The following WDR41 variants were observed in gnomAD, a reference collection of about 807,000 sequenced individuals.
The protein encoded by WDR41 is WD repeat domain 41.
A neutral mutation model predicts 69.3 loss-of-function variants in WDR41; 63 were observed. The ratio of observed to expected loss-of-function variants is 0.91; its 90% CI spans 0.74 to 1.12. The LOEUF is 1.12. Ranked by LOEUF, WDR41 falls within the 50% of genes most tolerant of loss-of-function variation. WDR41 has a pLI of 0.00. For synonymous variants in WDR41, 185 were observed against 192.1 expected (o/e 0.96, Z 0.31); for missense variants, 543 against 534.5 (o/e 1.02, Z -0.16).
Position 77,431,631 on chromosome 5 carries a change from T to C in WDR41, c.*1504A>G, listed in dbSNP as rs1230445052. 2 of 152,164 alleles carry C rather than the reference T, an allele frequency of 1.3e-5. No individual in the cohort carries two copies. The highest frequency in any genetic ancestry group is 2.4e-5 in the African/African-American group (1 of 41,436). The allele number at this position is 152,164 out of a possible 1,614,324, so 9.4% of individuals were successfully genotyped here. ...TGTGATTTCTACCACTCCATTTGAA[T>C]AGATTACTATCACAAAATACTAGCC... On this transcript the variant is annotated 3_prime_UTR_variant, in exon 13 of 13. Coordinates refer to ENST00000296679, the MANE Select transcript of WDR41 (RefSeq NM_018268.4).
chr5:77,453,634 T>C (rs1282133500), intron 6 of WDR41, among the ~76,000 whole-genome samples, 183 bp downstream of exon 6: 2 of 152,134 alleles, frequency 1.3e-5, no homozygotes, highest in Non-Finnish European at 2.9e-5. Flanking sequence ...CTCCTCCTGA[T>C]TCAGGATAAA....
At position 77,456,660 on chromosome 5, in the gene WDR41, T is replaced by G. The variant is rs141118445; in HGVS notation, c.411+2402A>C. On this transcript the variant is annotated intron_variant, in intron 5 of 12. Coordinates refer to ENST00000296679, the MANE Select transcript of WDR41 (RefSeq NM_018268.4). The stretch of plus-strand genomic sequence containing the variant: ...AGACATCCTTATCTTGTGCCTGATC[T>G]TTGGGGGAAATTATTTGTCTTTCAC... 9.5e-3 allele frequency among the ~76,000 whole-genome samples: 1,445 copies of G among 152,320 alleles called. 17 individuals carry two copies. The highest frequency in any genetic ancestry group is 0.037 in the Middle Eastern group (11 of 294).
chr5:77,553,216 C>A (rs1488418881), intron 1 of WDR41, among the ~76,000 whole-genome samples: 1 of 152,204 alleles, frequency 6.6e-6, no homozygotes, highest in East Asian at 1.9e-4. Context: ...TTATTTTTCA[C>A]AGCTCTGGAG....
intron 5 of WDR41, among the ~76,000 whole-genome samples, chr5:77,458,043 T>C (rs1799901900): frequency 2.0e-5 from 3 of 152,146 alleles, no homozygotes; most frequent in Admixed American, 6.5e-5. Flanking sequence ...CATATTTTCA[T>C]TGGAAACTTA....
chr5:77,552,056 A>C (rs1441189104), intron 1 of WDR41, among the ~76,000 whole-genome samples: 1 of 126,336 alleles, frequency 7.9e-6, no homozygotes, highest in Non-Finnish European at 1.7e-5. Context: ...AAAATAAAAT[A>C]AAATAAAATC....
At chr5:77,561,545 G>A (rs1286305241) in intron 1 of WDR41, among the ~76,000 whole-genome samples, 1 of 152,006 alleles carries the variant, frequency 6.6e-6, no homozygotes, top group Non-Finnish European at 1.5e-5. Flanking sequence ...GGACAATACA[G>A]AAATCTTATT....
chr5:77,575,520 T>C (rs6453330), intron 1 of WDR41, among the ~76,000 whole-genome samples: 50,564 of 151,994 alleles, frequency 0.33, 9,723 homozygotes, highest in African/African-American at 0.51. Flanking sequence ...GAAATCAAAG[T>C]GTAAGGGAAC....
intron 1 of WDR41, among the ~76,000 whole-genome samples, chr5:77,587,778 T>TA (rs1189270146): frequency 3.3e-5 from 5 of 152,296 alleles, no homozygotes; most frequent in Admixed American, 1.3e-4. Flanking sequence ...GGTGTCCTTA[T>TA]AAAATGACAT....
chr5:77,461,162 T>A (rs1800033942), intron 4 of WDR41, among the ~76,000 whole-genome samples: 2 of 151,298 alleles, frequency 1.3e-5, no homozygotes, highest in Non-Finnish European at 2.9e-5. Context: ...AAGATTACAC[T>A]GATACTGAAA....
upstream of WDR41, among the ~76,000 whole-genome samples, chr5:77,496,272 G>A (rs1031948848): frequency 2.0e-5 from 3 of 151,990 alleles, no homozygotes; most frequent in Non-Finnish European, 4.4e-5. Flanking sequence ...GCCAGAGCTA[G>A]TAGACAAAAA....
chr5:77,620,415 T>C (rs1314892896), intron 1 of WDR41: 1 of 455,492 alleles, frequency 2.2e-6, no homozygotes, highest in Non-Finnish European at 4.4e-6. Flanking sequence ...AAAGATAAGG[T>C]CCTATGACCC....
intron 1 of WDR41, among the ~76,000 whole-genome samples, chr5:77,580,489 T>A (rs562041034): frequency 2.0e-5 from 3 of 152,026 alleles, no homozygotes; most frequent in Non-Finnish European, 4.4e-5. Context: ...AAGGTGAGAT[T>A]TGGGTGGGGA....
intron 2 of WDR41, among the ~76,000 whole-genome samples, chr5:77,487,300 A>G (rs1801566642): frequency 6.6e-6 from 1 of 152,220 alleles, no homozygotes; most frequent in Admixed American, 6.5e-5. Context: ...TTACTAGGGT[A>G]AAATATAGCG....
upstream of WDR41, among the ~76,000 whole-genome samples, chr5:77,495,550 A>C (rs1390341085): frequency 6.6e-6 from 1 of 152,028 alleles, no homozygotes; most frequent in Non-Finnish European, 1.5e-5. Context: ...AAATACACAA[A>C]TTATTTAAAT....
At chr5:77,443,818 T>C (rs1799266912) in intron 8 of WDR41, among the ~76,000 whole-genome samples, 1 of 151,716 alleles carries the variant, frequency 6.6e-6, no homozygotes, top group Non-Finnish European at 1.5e-5. Context: ...AAACAAAATA[T>C]TAATGACCAG....
Position 77,432,954 on chromosome 5 carries a change from C to T in WDR41, c.*181G>A, listed in dbSNP as rs1323751572. On this transcript the variant is annotated 3_prime_UTR_variant, in exon 13 of 13. Transcript: ENST00000296679. Reference sequence around the variant, plus strand: ...TGTGGTATATTCTTTGGAGGATATACTAGGACCTGAGAAGCAACATGTTCC... The same window carrying T: ...TGTGGTATATTCTTTGGAGGATATATTAGGACCTGAGAAGCAACATGTTCC... 3.3e-6 allele frequency: 2 copies of T among 598,966 alleles called. No individual in the cohort carries two copies. The highest frequency in any genetic ancestry group is 5.6e-6 in the Non-Finnish European group (2 of 355,710). 37.1% of individuals were successfully genotyped at this position (598,966 alleles called of 1,614,324 possible). A position where few individuals can be genotyped will look rare whatever the true frequency, so the allele number is the denominator to read the frequency against.
chr5:77,563,762 A>G (rs1743566453), intron 1 of WDR41, among the ~76,000 whole-genome samples: 1 of 152,198 alleles, frequency 6.6e-6, no homozygotes, highest in African/African-American at 2.4e-5. Flanking sequence ...TTATTTTTAT[A>G]TTAAAATAAA....
At chr5:77,582,787 C>T in intron 1 of WDR41, 1 of 1,600,072 alleles carries the variant, frequency 6.2e-7, no homozygotes, top group Non-Finnish European at 8.5e-7. Flanking sequence ...GATTGTAGAG[C>T]CATATATAGC....
intron 2 of WDR41, among the ~76,000 whole-genome samples, chr5:77,479,161 T>C (rs1339027165): frequency 6.6e-6 from 1 of 151,790 alleles, no homozygotes; most frequent in Non-Finnish European, 1.5e-5. Context: ...CACTGCTCAA[T>C]GAAATAAAAG....
Sources: gnomAD v4.1 joint callset for allele counts (sites outside exome capture counted in the v4.1 genomes callset) on GRCh38, gnomAD v4.1.1 for gene constraint, MANE v1.5 for transcripts, NCBI Gene and HGNC (gene_info 2026-07-23, HGNC 2026-07-21) for gene names.